The following JPH3 variants were observed in gnomAD, a reference collection of about 807,000 sequenced individuals.
JPH3 encodes the protein junctophilin-3.
Under a neutral mutation model 59.6 loss-of-function variants are expected in JPH3, and 11 were observed. That is an observed-to-expected ratio of 0.18 (90% CI 0.12 to 0.31). JPH3 has a LOEUF of 0.31. JPH3 is among the 10% of genes least tolerant of loss of function. The pLI is 1.00. For missense variants in JPH3, 1,202 were observed against 1,105.7 expected, an observed-to-expected ratio of 1.09 and a Z score of -1.24; for synonymous variants, 673 against 483.6, an observed-to-expected ratio of 1.39 and a Z score of -5.14.
chr16:87,654,943 A>T (rs2032444665), intron 2 of JPH3: 2 of 152,224 alleles, frequency 1.3e-5, no homozygotes, highest in Admixed American at 6.5e-5. Flanking sequence ...TCCCTGCCGG[A>T]GTGCGGCTCC....
intron 2 of JPH3, among the ~76,000 whole-genome samples, chr16:87,675,941 C>T (rs1000267895): frequency 2.6e-5 from 4 of 152,250 alleles, no homozygotes; most frequent in Admixed American, 2.6e-4. Flanking sequence ...GAAATGTTTT[C>T]CATGAAACAA....
chr16:87,644,541 G>T lies in JPH3; in HGVS notation c.666G>T (p.Gly222=). Residue 222 remains glycine (G), a synonymous_variant, in exon 2 of 5, where the codon GGG becomes GGT. Coordinates refer to ENST00000284262, the MANE Select transcript of JPH3 (RefSeq NM_020655.4). ...TGTTTCGGCGCTCGCTGCTGAGTGG[G>T]CTGAAGCTGCGCAAGTCGGAGTCCA... ...KGLFRRSLLS[G]LKLRKSESKS... 3 of 1,612,888 alleles carry T rather than the reference G, an allele frequency of 1.9e-6. No individual in the cohort carries two copies. Among genetic ancestry groups the T allele is most frequent in the Non-Finnish European group, 2.5e-6 (3 of 1,179,826 alleles).
intron 1 of JPH3, among the ~76,000 whole-genome samples, chr16:87,626,191 C>G (rs963740290): frequency 6.1e-4 from 93 of 152,154 alleles, no homozygotes; most frequent in African/African-American, 2.2e-3. Context: ...TGCTTAGTAA[C>G]TGGGTCTTCA....
intron 3 of JPH3, among the ~76,000 whole-genome samples, chr16:87,688,313 C>T (rs2033467218): frequency 6.6e-6 from 1 of 152,240 alleles, no homozygotes; most frequent in African/African-American, 2.4e-5. Flanking sequence ...TCAGCACTGC[C>T]TCTTAGACCA....
intron 4 of JPH3, among the ~76,000 whole-genome samples, chr16:87,692,700 C>G (rs1199519848): frequency 6.6e-6 from 1 of 152,224 alleles, no homozygotes; most frequent in Non-Finnish European, 1.5e-5. Flanking sequence ...TACCGCTCTA[C>G]TGGTGAAGGA....
At chr16:87,607,242 T>G (rs1222812587) in intron 1 of JPH3, among the ~76,000 whole-genome samples, 1 of 152,184 alleles carries the variant, frequency 6.6e-6, no homozygotes, top group African/African-American at 2.4e-5. Context: ...GGTATAGATC[T>G]TTCCTTCGGG....
At chr16:87,651,000 G>C (rs1159317667) in intron 2 of JPH3, among the ~76,000 whole-genome samples, 1 of 152,236 alleles carries the variant, frequency 6.6e-6, no homozygotes, top group Non-Finnish European at 1.5e-5. Context: ...GAAGCTAATG[G>C]CTGGATTTGA....
Position 87,632,310 on chromosome 16 carries a change from C to T in JPH3, c.383-11948C>T, listed in dbSNP as rs370551277. Reference sequence around the variant, plus strand: ...CACTTCCCTGGCAGTCCTCCCCCACCCTCCTCTGCCTGGTGGGCTTGTCTG... The same window carrying T: ...CACTTCCCTGGCAGTCCTCCCCCACTCTCCTCTGCCTGGTGGGCTTGTCTG... On this transcript the variant is annotated intron_variant, in intron 1 of 4. Coordinates refer to ENST00000284262, the MANE Select transcript of JPH3 (RefSeq NM_020655.4). Among the ~76,000 whole-genome samples the T allele has an allele frequency of 7.9e-5, 12 of 152,356 alleles. No homozygotes were observed. The East Asian group carries it at 1.5e-3, about 20-fold the overall frequency.
At chr16:87,653,180 T>C (rs919491937) in intron 2 of JPH3, among the ~76,000 whole-genome samples, 1 of 152,186 alleles carries the variant, frequency 6.6e-6, no homozygotes, top group African/African-American at 2.4e-5. Context: ...GGCCTTGAAA[T>C]GTCCTCTGAA....
At chr16:87,645,121 G>A in intron 2 of JPH3, 86 bp downstream of exon 2, 1 of 1,390,094 alleles carries the variant, frequency 7.2e-7, no homozygotes, top group Admixed American at 2.3e-5. Flanking sequence ...TGTCGCTCAA[G>A]GCCTTGGGCT....
chr16:87,658,144 C>T (rs2032569780), intron 2 of JPH3, among the ~76,000 whole-genome samples: 3 of 152,156 alleles, frequency 2.0e-5, no homozygotes, highest in Non-Finnish European at 4.4e-5. Flanking sequence ...CCAACACCAA[C>T]CTGGGTGCAG....
intron 1 of JPH3, chr16:87,604,431 C>T (rs534156481): frequency 1.4e-6 from 2 of 1,385,940 alleles, no homozygotes; most frequent in South Asian, 1.2e-5. Context: ...CGCATGGAGC[C>T]GGTCCTTTCC....
intron 1 of JPH3, among the ~76,000 whole-genome samples, chr16:87,610,993 C>T (rs1239307459): frequency 2.0e-5 from 3 of 152,148 alleles, no homozygotes; most frequent in African/African-American, 4.8e-5. Flanking sequence ...AAGTTCAGAC[C>T]GTGTTCAAGG....
At chr16:87,670,073 C>A (rs1256560957) in intron 2 of JPH3, among the ~76,000 whole-genome samples, 1 of 152,124 alleles carries the variant, frequency 6.6e-6, no homozygotes, top group Non-Finnish European at 1.5e-5. Context: ...TTCCACGGTG[C>A]CCTTGAGGCA....
rs3751725 is a variant in JPH3 at position 87,644,559 on chromosome 16, G to A, written c.684G>A (p.Ser228=). The A allele has an allele frequency of 0.22, 359,524 of 1,612,710 alleles. 42,301 individuals carry two copies. Among genetic ancestry groups the A allele is most frequent in the East Asian group, 0.37 (16,431 of 44,776 alleles). ...SLLSGLKLRK[S]ESKSSLASQR... ...TGAGTGGGCTGAAGCTGCGCAAGTC[G>A]GAGTCCAAGAGCAGCCTGGCCAGCC... The change falls in exon 2 of 5, where the codon TCG becomes TCA. Residue 228 remains serine, a synonymous_variant. Coordinates refer to ENST00000284262, the MANE Select transcript of JPH3 (RefSeq NM_020655.4).
At chr16:87,655,914 C>T (rs2032484976) in intron 2 of JPH3, among the ~76,000 whole-genome samples, 1 of 152,266 alleles carries the variant, frequency 6.6e-6, no homozygotes, top group South Asian at 2.1e-4. Flanking sequence ...CACTCTGCTG[C>T]TGTCACTGCG....
At chr16:87,604,082 C>G in intron 1 of JPH3, 1 of 985,454 alleles carries the variant, frequency 1.0e-6, no homozygotes, top group Non-Finnish European at 1.2e-6. Flanking sequence ...AGGCAGTACA[C>G]TTCTAGGTGG....
rs986832703 is a variant in JPH3, at chr16:87,677,221, C to A, written c.1161-6921C>A. On this transcript the variant is annotated intron_variant, in intron 2 of 4. Coordinates refer to ENST00000284262, the MANE Select transcript of JPH3 (RefSeq NM_020655.4). ...ACACACACACACACACACACACACA[C>A]ACACAAAAAAAAAAATTAGCCGGGT... is the stretch of plus-strand genomic sequence containing the variant. Among the ~76,000 whole-genome samples the A allele has an allele frequency of 2.7e-3, 329 of 119,916 alleles. 9 individuals carry two copies. The highest frequency in any genetic ancestry group is 8.9e-3 in the African/African-American group (247 of 27,786). 78.7% of individuals were successfully genotyped at this position (119,916 alleles called of 152,430 possible).
chr16:87,657,948 C>A (rs114406403), intron 2 of JPH3, among the ~76,000 whole-genome samples: 1 of 152,300 alleles, frequency 6.6e-6, no homozygotes, highest in Admixed American at 6.5e-5. Context: ...GGACAGCTGT[C>A]TCTACCAACC....
Sources: gnomAD v4.1 joint callset for allele counts (sites outside exome capture counted in the v4.1 genomes callset) on GRCh38, gnomAD v4.1.1 for gene constraint, MANE v1.5 for transcripts, NCBI Gene and HGNC (gene_info 2026-07-23, HGNC 2026-07-21) for gene names.